The following GPHN variants were observed in gnomAD, a reference collection of about 807,000 sequenced individuals.
GPHN encodes gephyrin.
A neutral mutation model predicts 95.5 loss-of-function variants in GPHN; 17 were observed. The observed-to-expected ratio is 0.18, with a 90% CI of 0.12 to 0.27. The LOEUF is 0.27. Among genes scored for constraint, GPHN ranks in the 10% least tolerant of loss-of-function variants. The probability of loss-of-function intolerance (pLI) is 1.00; values close to 1 mark genes in which losing one functional copy is unlikely to be tolerated. For synonymous variants in GPHN, 320 were observed against 322.5 expected, an observed-to-expected ratio of 0.99 and a Z score of 0.08; for missense variants, 660 against 978.1, an observed-to-expected ratio of 0.67 and a Z score of 4.34.
At chr14:66,636,489 T>G (rs1039251047) in intron 1 of GPHN, among the ~76,000 whole-genome samples, 25 of 152,020 alleles carry the variant, frequency 1.6e-4, no homozygotes, top group African/African-American at 5.8e-4. Flanking sequence ...CCAAGATAAA[T>G]TAAAAATAAA....
intron 2 of GPHN, among the ~76,000 whole-genome samples, chr14:66,716,950 C>T (rs1001145869): frequency 1.3e-5 from 2 of 152,148 alleles, no homozygotes; most frequent in Non-Finnish European, 2.9e-5. Context: ...AAGATTCTTT[C>T]CTTCGTCTTA....
At chr14:67,451,285 A>C in the GPHN span, among the ~76,000 whole-genome samples, 1 of 152,212 alleles carries the variant, frequency 6.6e-6, no homozygotes, top group Non-Finnish European at 1.5e-5. Flanking sequence ...CAGAGCCTCC[A>C]CAGAGAGTCC....
chr14:67,570,602 A>G, the GPHN span: 1 of 152,980 alleles, frequency 6.5e-6, no homozygotes, highest in Admixed American at 6.5e-5. Context: ...ATTTATAAAT[A>G]TGCAGCACAC....
At chr14:66,902,240 A>G (rs1445921431) in intron 5 of GPHN, among the ~76,000 whole-genome samples, 1 of 151,944 alleles carries the variant, frequency 6.6e-6, no homozygotes, top group Non-Finnish European at 1.5e-5. Flanking sequence ...AACTATATTG[A>G]ATTTGTTTAT....
chr14:67,101,888 T>TTTC (rs2153679409), intron 13 of GPHN, among the ~76,000 whole-genome samples: 1 of 107,520 alleles, frequency 9.3e-6, no homozygotes, highest in East Asian at 3.3e-4. Context: ...TTATTTATTT[T>TTTC]TGAAACGTAG....
chr14:67,302,339 A>G, the GPHN span: 1 of 1,219,090 alleles, frequency 8.2e-7, no homozygotes, highest in South Asian at 2.3e-5. Flanking sequence ...GAAAAAATAG[A>G]ATTTAAAAAT....
chr14:67,338,782 G>A, the GPHN span: 2 of 1,596,748 alleles, frequency 1.3e-6, 1 homozygote, highest in South Asian at 2.3e-5. Flanking sequence ...ACAGGTGGGG[G>A]TGGATTTTTT....
chr14:67,156,929 G>A (rs909220744), intron 18 of GPHN, among the ~76,000 whole-genome samples: 9 of 149,480 alleles, frequency 6.0e-5, no homozygotes, highest in African/African-American at 2.0e-4. Context: ...CCGAGATCGC[G>A]CCACTGCACT....
At chr14:67,690,196 T>C in the GPHN span, 2 of 1,609,632 alleles carry the variant, frequency 1.2e-6, no homozygotes, top group Admixed American at 1.7e-5. Context: ...TCCACATTCA[T>C]TTCCTCTAGG....
chr14:67,512,648 G>C, the GPHN span, among the ~76,000 whole-genome samples: 1 of 152,102 alleles, frequency 6.6e-6, no homozygotes, highest in Admixed American at 6.6e-5. Context: ...TTGCCGATAA[G>C]ACCAAGCTGC....
intron 17 of GPHN, among the ~76,000 whole-genome samples, chr14:67,122,830 C>T (rs2079087313): frequency 6.6e-6 from 1 of 152,120 alleles, no homozygotes; most frequent in South Asian, 2.1e-4. Flanking sequence ...TTTATGTAAC[C>T]TGTTTCTCCA....
chr14:67,661,278 C>CAAAAAAAA, the GPHN span, among the ~76,000 whole-genome samples: 6 of 56,526 alleles, frequency 1.1e-4, no homozygotes, highest in African/African-American at 2.5e-4. Flanking sequence ...AGGGCTAGAG[C>CAAAAAAAA]AAAAAAAAAA....
the GPHN span, among the ~76,000 whole-genome samples, chr14:67,257,327 T>C: frequency 4.6e-5 from 7 of 151,938 alleles, no homozygotes; most frequent in African/African-American, 1.7e-4. Context: ...CCACAAGGAA[T>C]TTCCTTGTGG....
At chr14:66,944,381 G>A (rs2067618344) in intron 8 of GPHN, among the ~76,000 whole-genome samples, 1 of 152,208 alleles carries the variant, frequency 6.6e-6, no homozygotes, top group East Asian at 1.9e-4. Flanking sequence ...ATTGCCACAT[G>A]GTTACAGGCT....
chr14:66,715,952 A>G (rs2070137358), intron 2 of GPHN, among the ~76,000 whole-genome samples: 1 of 152,038 alleles, frequency 6.6e-6, no homozygotes, highest in Admixed American at 6.6e-5. Context: ...TAGAATGTGT[A>G]TTCTGCAGTT....
chr14:67,637,262 T>C, the GPHN span, among the ~76,000 whole-genome samples: 4 of 151,426 alleles, frequency 2.6e-5, no homozygotes, highest in Non-Finnish European at 3.0e-5. Context: ...CTACAAAAAT[T>C]AGCTGGGCAT....
the GPHN span, among the ~76,000 whole-genome samples, chr14:67,499,256 G>A: frequency 9.9e-5 from 15 of 152,112 alleles, no homozygotes; most frequent in Admixed American, 2.0e-4. Flanking sequence ...CTCCTGCCTC[G>A]ACCTCCCAAG....
At chr14:67,238,274 T>TC in the GPHN span, among the ~76,000 whole-genome samples, 1 of 150,190 alleles carries the variant, frequency 6.7e-6, no homozygotes, top group African/African-American at 2.4e-5. Flanking sequence ...GCTTTCTTTT[T>TC]TTTTTTTTTT....
the GPHN span, chr14:67,380,609 A>G: frequency 6.1e-5 from 63 of 1,027,914 alleles, 2 homozygotes; most frequent in East Asian, 2.7e-5. Context: ...TTTCACATTT[A>G]TCAGTAATAT....
Sources: gnomAD v4.1 joint callset for allele counts (sites outside exome capture counted in the v4.1 genomes callset) on GRCh38, gnomAD v4.1.1 for gene constraint, MANE v1.5 for transcripts, NCBI Gene and HGNC (gene_info 2026-07-23, HGNC 2026-07-21) for gene names.